The following DPH6 variants were observed in gnomAD, a reference collection of about 807,000 sequenced individuals.
DPH6 encodes the protein diphthamine biosynthesis 6.
A neutral mutation model predicts 38.2 loss-of-function variants in DPH6; 33 were observed. The observed-to-expected ratio is 0.86, with a 90% CI of 0.65 to 1.15. DPH6 has a LOEUF of 1.15. Ranked by LOEUF, DPH6 falls within the 50% of genes most tolerant of loss-of-function variation. The pLI is 0.00. For synonymous variants in DPH6, 108 were observed against 103.0 expected (o/e 1.05, Z -0.30); for missense variants, 325 against 320.0 (o/e 1.02, Z -0.12).
intron 3 of DPH6, among the ~76,000 whole-genome samples, chr15:35,332,085 C>T (rs978439971): frequency 6.6e-6 from 1 of 152,214 alleles, no homozygotes; most frequent in South Asian, 2.1e-4. Flanking sequence ...AAACTCCTTA[C>T]ATTGCTTCGA....
At chr15:35,521,825 C>T (rs1418083686) in intron 3 of DPH6, 8 of 1,274,648 alleles carry the variant, frequency 6.3e-6, no homozygotes, top group Middle Eastern at 5.8e-4. Flanking sequence ...AATAGCAGTG[C>T]TCCTAAAGGA....
At chr15:35,264,695 G>A (rs933799462) in intron 3 of DPH6, among the ~76,000 whole-genome samples, 2 of 152,170 alleles carry the variant, frequency 1.3e-5, no homozygotes, top group South Asian at 4.1e-4. Context: ...GCACAACAAA[G>A]CATACCACGC....
chr15:35,264,877 C>A (rs1235671242), intron 3 of DPH6, among the ~76,000 whole-genome samples: 1 of 152,098 alleles, frequency 6.6e-6, no homozygotes, highest in East Asian at 1.9e-4. Context: ...TTTTGGGGGT[C>A]AAGGAAGACT....
intron 5 of DPH6, among the ~76,000 whole-genome samples, chr15:35,411,721 T>A (rs922603152): frequency 1.3e-5 from 2 of 151,762 alleles, no homozygotes; most frequent in Non-Finnish European, 3.0e-5. Context: ...TGGCATAGTT[T>A]CATTTACAAA....
At chr15:35,340,656 T>C (rs545287506) in intron 3 of DPH6, among the ~76,000 whole-genome samples, 1 of 152,262 alleles carries the variant, frequency 6.6e-6, no homozygotes, top group African/African-American at 2.4e-5. Context: ...TGGCTGGATA[T>C]AAAATTCTGG....
downstream of DPH6, among the ~76,000 whole-genome samples, chr15:35,213,923 T>C (rs1017494468): frequency 7.2e-5 from 11 of 152,242 alleles, no homozygotes; most frequent in Non-Finnish European, 1.6e-4. Flanking sequence ...CCATCCTGGC[T>C]AACACGGTGA....
chr15:35,470,861 CTG>C (rs1716469587), intron 3 of DPH6, among the ~76,000 whole-genome samples: 1 of 152,062 alleles, frequency 6.6e-6, no homozygotes, highest in South Asian at 2.1e-4. Flanking sequence ...TTTTTAAAAA[CTG>C]TATAACTTGT....
intron 3 of DPH6, among the ~76,000 whole-genome samples, chr15:35,473,908 T>G (rs1026421280): frequency 6.8e-6 from 1 of 147,142 alleles, no homozygotes; most frequent in African/African-American, 2.6e-5. Context: ...TAGAACACTG[T>G]GCACAGTGTG....
At chr15:35,530,700 C>T (rs1032409547) in intron 3 of DPH6, among the ~76,000 whole-genome samples, 3 of 152,144 alleles carry the variant, frequency 2.0e-5, no homozygotes, top group African/African-American at 7.2e-5. Context: ...TAGATGAAGG[C>T]TTTGAACCTG....
intron 3 of DPH6, among the ~76,000 whole-genome samples, chr15:35,229,218 G>A (rs976832384): frequency 2.0e-5 from 3 of 151,778 alleles, no homozygotes; most frequent in Non-Finnish European, 4.4e-5. Context: ...CGATCTTGTA[G>A]GTTTGCTTCA....
At position 35,371,443 on chromosome 15, in the gene DPH6, A is replaced by T. The variant is rs2140920605; in HGVS notation, c.*707T>A. 2 of 354,896 alleles carry T rather than the reference A, an allele frequency of 5.6e-6. No homozygotes were observed. Among genetic ancestry groups the T allele is most frequent in the East Asian group, 1.7e-4 (1 of 6,014 alleles). 22.0% of individuals were successfully genotyped at this position (354,896 alleles called of 1,614,324 possible). A position where few individuals can be genotyped will look rare whatever the true frequency, so the allele number is the denominator to read the frequency against. On this transcript the variant is annotated 3_prime_UTR_variant, in exon 9 of 9. Coordinates refer to ENST00000256538, the MANE Select transcript of DPH6 (RefSeq NM_080650.4). ...GACATTGACGGTAGGGGAGGCTGTG[A>T]ATGTGTGGAGGTAGAGGGTATATGG...
intron 3 of DPH6, among the ~76,000 whole-genome samples, chr15:35,287,984 C>T (rs1047089448): frequency 6.6e-6 from 1 of 152,168 alleles, no homozygotes; most frequent in East Asian, 1.9e-4. Flanking sequence ...CATAAATAAA[C>T]CACGGACAAT....
chr15:35,337,177 G>C (rs1311141212), intron 3 of DPH6, among the ~76,000 whole-genome samples: 1 of 152,166 alleles, frequency 6.6e-6, no homozygotes, highest in African/African-American at 2.4e-5. Context: ...AGTCTTGGGA[G>C]AGTGTATGTG....
intron 3 of DPH6, among the ~76,000 whole-genome samples, chr15:35,470,856 A>T (rs375554668): frequency 3.6e-4 from 55 of 152,334 alleles, no homozygotes; most frequent in Middle Eastern, 3.4e-3. Flanking sequence ...AAAACTTTTT[A>T]AAAACTGTAT....
rs1043138324 is a variant in DPH6, at chr15:35,459,523, T to C, written c.313-4703A>G. ...TAATTAGTTTATAGCACTATCCAAATAGATAAGACTATTAGGTACACTGAA... is the reference window on the plus strand; with the variant it reads ...TAATTAGTTTATAGCACTATCCAAACAGATAAGACTATTAGGTACACTGAA... On this transcript the variant is annotated intron_variant, in intron 3 of 8. Coordinates refer to ENST00000256538, the MANE Select transcript of DPH6 (RefSeq NM_080650.4). Among the ~76,000 whole-genome samples, 16 of 152,158 alleles carry C rather than the reference T, an allele frequency of 1.1e-4. 1 individual carries two copies. Among genetic ancestry groups the C allele is most frequent in the Admixed American group, 9.2e-4 (14 of 15,278 alleles).
At chr15:35,296,461 C>T (rs2052015472) in intron 3 of DPH6, among the ~76,000 whole-genome samples, 1 of 152,122 alleles carries the variant, frequency 6.6e-6, no homozygotes, top group South Asian at 2.1e-4. Context: ...ACTCTCACTC[C>T]CAATATGCTC....
chr15:35,260,532 ATAT>A (rs1377625852), intron 3 of DPH6, among the ~76,000 whole-genome samples: 3 of 151,048 alleles, frequency 2.0e-5, no homozygotes, highest in African/African-American at 2.4e-5. Flanking sequence ...ATGAAGTTTA[ATAT>A]TATTAGATAA....
chr15:35,215,898 T>C (rs928210334), downstream of DPH6, among the ~76,000 whole-genome samples: 1 of 152,216 alleles, frequency 6.6e-6, no homozygotes, highest in African/African-American at 2.4e-5. Flanking sequence ...ATAAGGATGT[T>C]TGATGGCAGT....
At chr15:35,339,343 G>T (rs2140875352) in intron 3 of DPH6, among the ~76,000 whole-genome samples, 1 of 142,964 alleles carries the variant, frequency 7.0e-6, no homozygotes, top group East Asian at 2.0e-4. Flanking sequence ...ATTATTATTT[G>T]AGATGGAGTT....
Sources: gnomAD v4.1 joint callset for allele counts (sites outside exome capture counted in the v4.1 genomes callset) on GRCh38, gnomAD v4.1.1 for gene constraint, MANE v1.5 for transcripts, NCBI Gene and HGNC (gene_info 2026-07-23, HGNC 2026-07-21) for gene names.